Variants in LRIG2 observed in about 807,000 individuals in gnomAD.
LRIG2 encodes the protein leucine rich repeats and immunoglobulin like domains 2, also known as leucine-rich repeats and immunoglobulin-like domains protein 2.
LRIG2 carries 93 observed loss-of-function variants against 107.8 expected under a neutral mutation model. The ratio of observed to expected loss-of-function variants is 0.86; its 90% confidence interval spans 0.73 to 1.03. The LOEUF is 1.03. Among genes scored for constraint, LRIG2 ranks in the 50% least tolerant of loss-of-function variants. The pLI is 0.00. For missense variants in LRIG2, 1,226 were observed against 1,296.0 expected (o/e 0.95, Z 0.83); for synonymous variants, 471 against 470.6 (o/e 1.00, Z -0.01).
At position 113,073,546 on chromosome 1, in the gene LRIG2, G is replaced by A. The variant is rs1231431466; in HGVS notation, c.140G>A (p.Cys47Tyr). 1 of 1,614,010 alleles carries A rather than the reference G, an allele frequency of 6.2e-7. No homozygotes were observed. The highest frequency in any genetic ancestry group is 1.3e-5 in the African/African-American group (1 of 74,934). ...GGAGCAGGTCTCTGCCCCGCGCCCT[G>A]CTCCTGCCGCATTCCTCTCCTGGAC... The part of the protein sequence containing the change: ...AAGAGLCPAP[C>Y]SCRIPLLDCS... Residue 47 changes from cysteine to tyrosine, a missense_variant, in exon 1 of 18, where the codon TGC (cysteine) becomes TAC (tyrosine). By Grantham distance (194) the Cys-to-Tyr change is radical. This residue lies in a region of LRIG2 where 570 missense variants were observed against 550.2 expected (regional missense o/e 1.04). Transcript: ENST00000361127.
chr1:113,085,110 C>T (rs1411989072), intron 1 of LRIG2, among the ~76,000 whole-genome samples: 1 of 152,168 alleles, frequency 6.6e-6, no homozygotes, highest in Non-Finnish European at 1.5e-5. Flanking sequence ...TCTCCTTTTG[C>T]CTTCCTCAGC....
At chr1:113,114,033 ATTTAC>A (rs1654889786) in intron 14 of LRIG2, among the ~76,000 whole-genome samples, 1 of 152,104 alleles carries the variant, frequency 6.6e-6, no homozygotes, top group African/African-American at 2.4e-5. Flanking sequence ...TGTGACTATA[ATTTAC>A]TTAATCATTT....
Position 113,114,558 on chromosome 1 carries a change from G to T in LRIG2, c.2212G>T (p.Val738Leu), listed in dbSNP as rs573566707. The change falls in exon 15 of 18, where the codon GTG becomes TTG. Residue 738 changes from valine to leucine, a missense_variant. Val to Leu is a conservative substitution (Grantham distance 32). Transcript: ENST00000361127. ...NWTKDDGPLL[V>L]TERHFFAAAN... ...GACTAAAGATGATGGGCCTTTGCTGGTGACAGAACGACATTTCTTTGCTGC... is the reference window on the plus strand; with the variant it reads ...GACTAAAGATGATGGGCCTTTGCTGTTGACAGAACGACATTTCTTTGCTGC... 10 of 1,613,938 alleles carry T rather than the reference G, an allele frequency of 6.2e-6. No homozygotes were observed. In the African/African-American group the frequency reaches 1.2e-4, roughly 19 times the overall value.
intron 1 of LRIG2, among the ~76,000 whole-genome samples, chr1:113,080,019 A>AT (rs35584269): frequency 0.84 from 95,113 of 112,604 alleles, 42,483 homozygotes; most frequent in Non-Finnish European, 0.96. Flanking sequence ...CCTGGCCCGA[A>AT]TTTTTTTTTT....
chr1:113,093,427 C>T lies in LRIG2; in HGVS notation c.381-3C>T. 6.2e-7 allele frequency: 1 copy of T among 1,613,512 alleles called. No individual in the cohort carries two copies. The highest frequency in any genetic ancestry group is 8.5e-7 in the Non-Finnish European group (1 of 1,179,774). On this transcript the variant is annotated splice_polypyrimidine_tract_variant and splice_region_variant and intron_variant, in intron 3 of 17. Transcript: ENST00000361127. ...CAGCTTCATTATAATCTTTGTTTTA[C>T]AGAGTCCATAATATAATCCCAGAAA...
intron 2 of LRIG2, among the ~76,000 whole-genome samples, 173 bp from the exon 3 acceptor site, chr1:113,093,033 A>G (rs1368351848): frequency 6.6e-6 from 1 of 152,112 alleles, no homozygotes; most frequent in Non-Finnish European, 1.5e-5. Context: ...ATTTCTCATT[A>G]AAACCTCTAA....
At chr1:113,085,436 C>T (rs1653502564) in intron 1 of LRIG2, among the ~76,000 whole-genome samples, 1 of 152,172 alleles carries the variant, frequency 6.6e-6, no homozygotes, top group Non-Finnish European at 1.5e-5. Context: ...AGGCATGCGC[C>T]ACCATGCCTG....
At chr1:113,085,776 A>G (rs77229486) in intron 1 of LRIG2, among the ~76,000 whole-genome samples, 4,393 of 152,282 alleles carry the variant, frequency 0.029, 213 homozygotes, top group African/African-American at 0.1. Flanking sequence ...AAATTTTGTA[A>G]AAAGTTAAGT....
intron 1 of LRIG2, among the ~76,000 whole-genome samples, chr1:113,086,103 C>G (rs1228975411): frequency 1.4e-5 from 2 of 139,566 alleles, no homozygotes; most frequent in African/African-American, 5.3e-5. Flanking sequence ...GCCTCCTGTT[C>G]AAGCGATTCT....
chr1:113,120,169 G>C (rs956314448), intron 17 of LRIG2, among the ~76,000 whole-genome samples: 14 of 151,950 alleles, frequency 9.2e-5, no homozygotes, highest in African/African-American at 2.2e-4. Flanking sequence ...AATATGGGGG[G>C]CCGGGCACAG....
Position 113,114,593 on chromosome 1 carries a change from G to T in LRIG2, c.2247G>T (p.Gln749His), listed in dbSNP as rs748032264. 2.5e-6 allele frequency: 4 copies of T among 1,613,948 alleles called. No individual in the cohort carries two copies. The highest frequency in any genetic ancestry group is 1.3e-5 in the African/African-American group (1 of 74,872). Residue 749 changes from glutamine to histidine, a missense_variant, in exon 15 of 18, where the codon CAG becomes CAT. Gln to His is a conservative substitution (Grantham distance 24). Transcript: ENST00000361127. ...GACATTTCTTTGCTGCAGCCAATCA[G>T]CTTCTCATCATTGTAGATGCCGGGC... ...TERHFFAAAN[Q>H]LLIIVDAGLE...
At position 113,073,273 on chromosome 1, in the gene LRIG2, C is replaced by T; in HGVS notation, c.-134C>T. On this transcript the variant is annotated 5_prime_UTR_variant, in exon 1 of 18. Coordinates refer to ENST00000361127, the MANE Select transcript of LRIG2 (RefSeq NM_014813.3). ...TCGCGCTGCGTCTGCTCCTTGCATG[C>T]CTTTAGATGGTACAGCCTTCAGCCG... is the stretch of plus-strand genomic sequence containing the variant. 1.3e-6 allele frequency: 1 copy of T among 753,894 alleles called. No individual in the cohort carries two copies. Among genetic ancestry groups the T allele is most frequent in the South Asian group, 1.6e-5 (1 of 61,428 alleles). 46.7% of individuals were successfully genotyped at this position (753,894 alleles called of 1,614,324 possible). A position where few individuals can be genotyped will look rare whatever the true frequency, so the allele number is the denominator to read the frequency against.
chr1:113,090,251 A>AT (rs1158234430), intron 1 of LRIG2, among the ~76,000 whole-genome samples: 1 of 152,180 alleles, frequency 6.6e-6, no homozygotes, highest in Middle Eastern at 3.2e-3. Context: ...AATTTGCTGT[A>AT]CATGCATAAA....
chr1:113,088,293 A>C (rs920158435), intron 1 of LRIG2, among the ~76,000 whole-genome samples: 3 of 152,198 alleles, frequency 2.0e-5, no homozygotes, highest in African/African-American at 7.2e-5. Flanking sequence ...TTTGGGTTGC[A>C]TTGAAAAGCC....
In LRIG2 at chr1:113,119,216, C is replaced by T. The variant is rs773489321; in HGVS notation, c.2681-17C>T. 1 of 1,594,056 alleles carries T rather than the reference C, an allele frequency of 6.3e-7. No homozygotes were observed. The highest frequency in any genetic ancestry group is 8.6e-7 in the Non-Finnish European group (1 of 1,168,650). ...TCCTTAACAGAAAGATATTTAGATT[C>T]TTTTTCTTGTTATTAGGTGGCACTG... On this transcript the variant is annotated splice_polypyrimidine_tract_variant and intron_variant, in intron 16 of 17. Transcript: ENST00000361127.
intron 16 of LRIG2, among the ~76,000 whole-genome samples, chr1:113,118,650 C>G (rs777866436): frequency 2.6e-5 from 4 of 151,958 alleles, no homozygotes; most frequent in Non-Finnish European, 5.9e-5. Context: ...CTGCTCCTCA[C>G]TCTGGCAGTA....
At chr1:113,075,296 G>T (rs1003148910) in intron 1 of LRIG2, among the ~76,000 whole-genome samples, 4 of 152,090 alleles carry the variant, frequency 2.6e-5, no homozygotes, top group Admixed American at 2.6e-4. Context: ...ATTGGAAATA[G>T]AATACAAATA....
At chr1:113,108,793 C>A (rs1006803908) in intron 12 of LRIG2, among the ~76,000 whole-genome samples, 1 of 152,082 alleles carries the variant, frequency 6.6e-6, no homozygotes, top group African/African-American at 2.4e-5. Context: ...AGGAGAATCG[C>A]TTGAACCGAG....
At position 113,114,533 on chromosome 1, in the gene LRIG2, G is replaced by A. The variant is rs1352797225; in HGVS notation, c.2187G>A (p.Trp729Ter). 1 of 1,614,028 alleles carries A rather than the reference G, an allele frequency of 6.2e-7. No homozygotes were observed. The highest frequency in any genetic ancestry group is 8.5e-7 in the Non-Finnish European group (1 of 1,180,002). Reference protein sequence around the residue: ...AGGSPAPRLNWTKDDGPLLVT... With the variant: ...AGGSPAPRLN ...GGAGTCCTGCCCCTCGTCTCAACTGGACTAAAGATGATGGGCCTTTGCTGG... is the reference window on the plus strand; with the variant it reads ...GGAGTCCTGCCCCTCGTCTCAACTGAACTAAAGATGATGGGCCTTTGCTGG... The change falls in exon 15 of 18, where the codon TGG (tryptophan) becomes TGA (stop). Residue 729 changes from tryptophan (W) to a stop codon, truncating the protein, a stop_gained. Coordinates refer to ENST00000361127, the MANE Select transcript of LRIG2 (RefSeq NM_014813.3). LOFTEE classifies it high-confidence loss of function.
Sources: allele counts gnomAD v4.1 joint callset (sites outside exome capture counted in the v4.1 genomes callset), GRCh38; gene constraint gnomAD v4.1.1; regional missense constraint gnomAD v4.1.1; transcripts MANE v1.5; gene names NCBI Gene and HGNC (gene_info 2026-07-23, HGNC 2026-07-21).